Variants in IMPG2 observed in about 807,000 individuals in gnomAD.
IMPG2 encodes the protein IPM 200.
A neutral mutation model predicts 129.2 loss-of-function variants in IMPG2; 91 were observed. The observed-to-expected ratio is 0.70, with a 90% CI of 0.59 to 0.84. The LOEUF (loss-of-function observed/expected upper bound fraction) is 0.84, where lower values mean the gene tolerates loss of function less well. IMPG2 is among the 40% of genes least tolerant of loss of function. The pLI is 0.00. For synonymous variants in IMPG2, 510 were observed against 517.7 expected (o/e 0.99, Z 0.20); for missense variants, 1,430 against 1,461.7 (o/e 0.98, Z 0.35).
Position 101,229,533 on chromosome 3 carries a change from G to A in IMPG2, c.3480C>T (p.Asn1160=). 1.2e-6 allele frequency: 2 copies of A among 1,614,014 alleles called. No homozygotes were observed. Among genetic ancestry groups the A allele is most frequent in the Non-Finnish European group, 1.7e-6 (2 of 1,180,032 alleles). ...LSSIENAVKY[N]PVYESHRAGC... ...CAGCCCTGTGACTTTCATACACGGGGTTGTACTTCACAGCATTCTCAATAG... is the reference window on the plus strand; with the variant it reads ...CAGCCCTGTGACTTTCATACACGGGATTGTACTTCACAGCATTCTCAATAG... The change falls in exon 17 of 19, where the codon AAC becomes AAT. Residue 1160 remains asparagine, a synonymous_variant. Coordinates refer to ENST00000193391, the MANE Select transcript of IMPG2 (RefSeq NM_016247.4).
intron 5 of IMPG2, 151 bp downstream of exon 5, chr3:101,276,513 T>A (rs1055519770): frequency 3.2e-6 from 2 of 632,602 alleles, no homozygotes; most frequent in Non-Finnish European, 5.6e-6. Context: ...TTTTTAAAAA[T>A]TACTTTTTCT....
chr3:101,238,244 T>C (rs570095135), intron 14 of IMPG2, among the ~76,000 whole-genome samples: 1 of 152,272 alleles, frequency 6.6e-6, no homozygotes, highest in South Asian at 2.1e-4. Context: ...CTACATTTGA[T>C]TGGTGTACCT....
At position 101,247,722 on chromosome 3, in the gene IMPG2, T is replaced by C. The variant is rs72930577; in HGVS notation, c.1240-1617A>G. Reference sequence around the variant, plus strand: ...GGGAGGGGAACCTAGACATGGGTACTTGTAAAAGTTCCCTAGTAGAGGAAA... The same window carrying C: ...GGGAGGGGAACCTAGACATGGGTACCTGTAAAAGTTCCCTAGTAGAGGAAA... On this transcript the variant is annotated intron_variant, in intron 11 of 18. Coordinates refer to ENST00000193391, the MANE Select transcript of IMPG2 (RefSeq NM_016247.4). 3.0e-3 allele frequency among the ~76,000 whole-genome samples: 458 copies of C among 152,320 alleles called. 1 individual carries two copies. Among genetic ancestry groups the C allele is most frequent in the African/African-American group, 0.01 (431 of 41,586 alleles).
intron 16 of IMPG2, 35 bp from the exon 17 acceptor site, chr3:101,229,625 T>C: frequency 2.5e-6 from 4 of 1,574,102 alleles, no homozygotes; most frequent in Non-Finnish European, 3.5e-6. Context: ...AGGCTCTTGT[T>C]TGGATGCTCA....
intron 7 of IMPG2, among the ~76,000 whole-genome samples, chr3:101,270,045 CT>C (rs1007537797): frequency 4.6e-5 from 7 of 151,202 alleles, no homozygotes; most frequent in Admixed American, 2.6e-4. Flanking sequence ...ATTGTCCTGC[CT>C]CAGCCTCCTG....
In IMPG2 at chr3:101,286,508, A is replaced by T. The variant is rs562035720; in HGVS notation, c.533+4971T>A. The stretch of plus-strand genomic sequence containing the variant: ...ATTCTATGACAAGATAATGAAGAAA[A>T]AGTCTCATCTCTCTTCCCCTTGGCA... On this transcript the variant is annotated intron_variant, in intron 4 of 18. Transcript: ENST00000193391. Among the ~76,000 whole-genome samples the T allele has an allele frequency of 6.6e-5, 10 of 152,264 alleles. No individual in the cohort carries two copies. In the East Asian group the frequency reaches 1.9e-3, roughly 29 times the overall value.
At chr3:101,287,638 G>A (rs895677778) in intron 4 of IMPG2, among the ~76,000 whole-genome samples, 4 of 152,110 alleles carry the variant, frequency 2.6e-5, no homozygotes, top group African/African-American at 7.2e-5. Context: ...GAACAATGGG[G>A]AAAGGACTTC....
intron 4 of IMPG2, among the ~76,000 whole-genome samples, chr3:101,277,918 T>G (rs756255951): frequency 6.6e-6 from 1 of 152,222 alleles, no homozygotes; most frequent in Admixed American, 6.5e-5. Context: ...GGTGATTGTC[T>G]GTTTTCAACT....
chr3:101,301,253 A>G (rs564438671), intron 3 of IMPG2, among the ~76,000 whole-genome samples: 10 of 152,232 alleles, frequency 6.6e-5, no homozygotes, highest in Non-Finnish European at 1.5e-4. Flanking sequence ...AGATAAAGAA[A>G]ATAATTTTTT....
intron 2 of IMPG2, among the ~76,000 whole-genome samples, chr3:101,317,862 T>C (rs1432466090): frequency 6.6e-6 from 1 of 152,114 alleles, no homozygotes; most frequent in Non-Finnish European, 1.5e-5. Flanking sequence ...CCTTACATGA[T>C]TGGTTATTTC....
chr3:101,254,493 G>C lies in IMPG2; in HGVS notation c.1154-712C>G, dbSNP rs1417880018. ...AAGAAGTAGCTGATTTTGCCCACGG[G>C]GGAGAGGGAATCAATAAAAGCTAAA... On this transcript the variant is annotated intron_variant, in intron 10 of 18. Coordinates refer to ENST00000193391, the MANE Select transcript of IMPG2 (RefSeq NM_016247.4). Among the ~76,000 whole-genome samples the C allele has an allele frequency of 2.6e-5, 4 of 152,020 alleles. No individual in the cohort carries two copies. The East Asian group carries it at 7.7e-4, about 29-fold the overall frequency.
rs1241565092 is a variant in IMPG2 at position 101,253,628 on chromosome 3, T to A, written c.1239+68A>T. On this transcript the variant is annotated intron_variant, in intron 11 of 18. Coordinates refer to ENST00000193391, the MANE Select transcript of IMPG2 (RefSeq NM_016247.4). ...GCTTGGGAAATTTATAATGCCAAAG[T>A]AAGCAGGTGCAGGAAGAAAGAAGAG... is the stretch of plus-strand genomic sequence containing the variant. 11 of 1,027,556 alleles carry A rather than the reference T, an allele frequency of 1.1e-5. No homozygotes were observed. The Middle Eastern group carries it at 6.1e-4, about 57-fold the overall frequency. 63.7% of individuals were successfully genotyped at this position (1,027,556 alleles called of 1,614,324 possible).
chr3:101,298,080 T>C (rs558699165), intron 3 of IMPG2, among the ~76,000 whole-genome samples: 109 of 152,386 alleles, frequency 7.2e-4, no homozygotes, highest in African/African-American at 2.3e-3. Flanking sequence ...ATCTGAGTGC[T>C]TCTATATTGG....
intron 2 of IMPG2, among the ~76,000 whole-genome samples, chr3:101,313,720 A>G (rs981592054): frequency 1.3e-5 from 2 of 152,122 alleles, no homozygotes; most frequent in African/African-American, 2.4e-5. Flanking sequence ...TGGAGCCCAA[A>G]GCATATGGAA....
intron 2 of IMPG2, among the ~76,000 whole-genome samples, chr3:101,310,095 G>A (rs551395): frequency 0.91 from 137,825 of 152,222 alleles, 62,524 homozygotes; most frequent in East Asian, 1. Context: ...GTTGGGGTTA[G>A]TGTGTATTAG....
chr3:101,270,336 C>A (rs1007313132), intron 7 of IMPG2, among the ~76,000 whole-genome samples: 2 of 152,128 alleles, frequency 1.3e-5, no homozygotes, highest in African/African-American at 4.8e-5. Flanking sequence ...GCATCTTTTT[C>A]CTGCTCCTAC....
chr3:101,269,634 T>C (rs1375445693), intron 7 of IMPG2, 61 bp from the exon 8 acceptor site: 1 of 970,030 alleles, frequency 1.0e-6, no homozygotes, highest in African/African-American at 1.6e-5. Flanking sequence ...ATATAGAAAA[T>C]AATGCTTTTA....
intron 14 of IMPG2, among the ~76,000 whole-genome samples, chr3:101,240,636 A>T (rs981718385): frequency 6.6e-6 from 1 of 152,212 alleles, no homozygotes; most frequent in Non-Finnish European, 1.5e-5. Flanking sequence ...CACACAAATA[A>T]TAAATTGTAA....
chr3:101,259,668 TATC>T lies in IMPG2; in HGVS notation c.909-1898_909-1896del, dbSNP rs569953970. ...GAAAGTATCAACATAATAAGGATGA[TATC>T]ATAGAGTCTAGGAAAAAAGATATTA... is the stretch of plus-strand genomic sequence containing the variant. On this transcript the variant is annotated intron_variant, in intron 9 of 18. Transcript: ENST00000193391. 1.5e-3 allele frequency among the ~76,000 whole-genome samples: 228 copies of T among 152,040 alleles called. 1 individual carries two copies. Among genetic ancestry groups the T allele is most frequent in the African/African-American group, 5.1e-3 (213 of 41,478 alleles).
Sources: gnomAD v4.1 joint callset for allele counts (sites outside exome capture counted in the v4.1 genomes callset) on GRCh38, gnomAD v4.1.1 for gene constraint, MANE v1.5 for transcripts, NCBI Gene and HGNC (gene_info 2026-07-23, HGNC 2026-07-21) for gene names.